The following NRXN1 variants were observed in gnomAD, a reference collection of about 807,000 sequenced individuals.
The protein encoded by NRXN1 is neurexin-1.
In NRXN1, 39 loss-of-function variants were observed where a neutral mutation model predicts 150.9. The ratio of observed to expected loss-of-function variants is 0.26; its 90% CI spans 0.20 to 0.34. NRXN1 has a LOEUF of 0.34. NRXN1 is among the 10% of genes least tolerant of loss of function. The probability of loss-of-function intolerance (pLI) is 1.00; values close to 1 mark genes in which losing one functional copy is unlikely to be tolerated. For missense variants in NRXN1, 1,815 were observed against 1,949.9 expected (o/e 0.93, Z 1.30); for synonymous variants, 924 against 757.0 (o/e 1.22, Z -3.62).
At chr2:50,901,656 A>C (rs776746552) in intron 5 of NRXN1, among the ~76,000 whole-genome samples, 2 of 152,186 alleles carry the variant, frequency 1.3e-5, no homozygotes, top group African/African-American at 2.4e-5. Flanking sequence ...ATCTCAAATA[A>C]ATCTTACAAT....
At chr2:50,104,632 C>T (rs772226756) in intron 18 of NRXN1, among the ~76,000 whole-genome samples, 1 of 151,930 alleles carries the variant, frequency 6.6e-6, no homozygotes, top group African/African-American at 2.4e-5. Flanking sequence ...GGCAATAATA[C>T]GTATGAATAT....
At chr2:50,188,624 G>T (rs1454705819) in intron 18 of NRXN1, among the ~76,000 whole-genome samples, 1 of 151,706 alleles carries the variant, frequency 6.6e-6, no homozygotes, top group African/African-American at 2.4e-5. Flanking sequence ...AAGCTATCCA[G>T]CTGACAAATA....
intron 13 of NRXN1, among the ~76,000 whole-genome samples, chr2:50,503,385 G>A (rs1474358596): frequency 6.6e-6 from 1 of 151,892 alleles, no homozygotes; most frequent in East Asian, 1.9e-4. Flanking sequence ...GGCATGTCAT[G>A]AGATCATAGA....
intron 17 of NRXN1, among the ~76,000 whole-genome samples, chr2:50,280,049 C>A (rs970232528): frequency 6.6e-6 from 1 of 152,064 alleles, no homozygotes; most frequent in Non-Finnish European, 1.5e-5. Context: ...GAGGTCGAGG[C>A]GGGTGGATCA....
chr2:50,829,380 G>A (rs545940948), intron 5 of NRXN1: 26 of 1,077,972 alleles, frequency 2.4e-5, no homozygotes, highest in East Asian at 1.3e-4. Context: ...CGCCCGCCTC[G>A]GGCTCCCAAA....
chr2:50,078,680 A>G (rs1285981601), intron 19 of NRXN1, among the ~76,000 whole-genome samples: 2 of 152,014 alleles, frequency 1.3e-5, no homozygotes, highest in Non-Finnish European at 2.9e-5. Context: ...ATTTTGTAAA[A>G]TGTCCCTCAA....
At chr2:50,271,580 G>A (rs927039349) in intron 17 of NRXN1, among the ~76,000 whole-genome samples, 5 of 152,136 alleles carry the variant, frequency 3.3e-5, no homozygotes, top group Admixed American at 3.3e-4. Flanking sequence ...AACCCAATGA[G>A]AGCAAGTGAC....
At position 50,702,363 on chromosome 2, in the gene NRXN1, A is replaced by C. The variant is rs1019657930; in HGVS notation, c.833-78748T>G. On this transcript the variant is annotated intron_variant, in intron 5 of 22. Coordinates refer to ENST00000401669, the MANE Select transcript of NRXN1 (RefSeq NM_001330078.2). The stretch of plus-strand genomic sequence containing the variant: ...TTTTAAAAATGTTGTAATGAAAAAA[A>C]AAAACAAAACAAAACCTCATTTGTA... 2.8e-3 allele frequency among the ~76,000 whole-genome samples: 419 copies of C among 151,562 alleles called. 2 individuals are homozygous for C. The highest frequency in any genetic ancestry group is 9.7e-3 in the African/African-American group (397 of 40,934).
intron 17 of NRXN1, among the ~76,000 whole-genome samples, chr2:50,330,841 T>C (rs1020125669): frequency 6.6e-6 from 1 of 152,130 alleles, no homozygotes; most frequent in African/African-American, 2.4e-5. Context: ...TTAATAAAGC[T>C]GAAGGAAAAG....
Position 50,893,252 on chromosome 2 carries a change from T to G in NRXN1, c.832+28617A>C, listed in dbSNP as rs572837843. On this transcript the variant is annotated intron_variant, in intron 5 of 22. Transcript: ENST00000401669. The stretch of plus-strand genomic sequence containing the variant: ...AGATGTACATGCAAATATCTATTAT[T>G]TTAGGGTAGGTAATACATTATTAAA... 1.7e-3 allele frequency among the ~76,000 whole-genome samples: 253 copies of G among 152,264 alleles called. 1 individual carries two copies. Among genetic ancestry groups the G allele is most frequent in the South Asian group, 0.011 (54 of 4,832 alleles).
At chr2:50,240,108 T>C (rs2681997) in intron 17 of NRXN1, among the ~76,000 whole-genome samples, 61,633 of 151,310 alleles carry the variant, frequency 0.41, 12,761 homozygotes, top group Middle Eastern at 0.45. Flanking sequence ...GATTTTAACC[T>C]TTTTCAATGA....
At chr2:49,942,613 T>TTA (rs1491486406) in intron 22 of NRXN1, among the ~76,000 whole-genome samples, 29 of 149,378 alleles carry the variant, frequency 1.9e-4, no homozygotes, top group African/African-American at 7.1e-4. Context: ...ATTATTATTA[T>TTA]TTTATTATTA....
chr2:50,053,184 C>T (rs1284775189), intron 21 of NRXN1, 87 bp downstream of exon 21: 3 of 1,372,408 alleles, frequency 2.2e-6, no homozygotes, highest in Non-Finnish European at 1.0e-6. Flanking sequence ...GAAAAATGTT[C>T]CAATTTAGAA....
chr2:50,503,570 TAAA>T (rs70948714), intron 13 of NRXN1, among the ~76,000 whole-genome samples: 4 of 149,548 alleles, frequency 2.7e-5, no homozygotes, highest in African/African-American at 9.8e-5. Flanking sequence ...AAAGAAAAAT[TAAA>T]AAAAAAATAG....
intron 10 of NRXN1, among the ~76,000 whole-genome samples, chr2:50,535,632 G>T (rs1292709145): frequency 6.6e-6 from 1 of 152,144 alleles, no homozygotes; most frequent in African/African-American, 2.4e-5. Context: ...AAAGCAGAAG[G>T]GAAGGCGCTA....
At chr2:50,182,125 T>TTTTA (rs4032268) in intron 18 of NRXN1, among the ~76,000 whole-genome samples, 1 of 148,598 alleles carries the variant, frequency 6.7e-6, no homozygotes. Context: ...TTTTTTTTTT[T>TTTTA]ACTTTTAGAT....
intron 18 of NRXN1, chr2:50,174,972 A>T (rs980979198): frequency 6.6e-6 from 1 of 152,068 alleles, no homozygotes; most frequent in African/African-American, 2.4e-5. Context: ...TACCCACATG[A>T]CCTCTCAACA....
intron 17 of NRXN1, among the ~76,000 whole-genome samples, chr2:50,383,294 C>T (rs145490123): frequency 1.7e-3 from 257 of 152,124 alleles, no homozygotes; most frequent in Non-Finnish European, 2.2e-3. Context: ...CCAGGTATCA[C>T]GCGGCCTGTT....
intron 18 of NRXN1, among the ~76,000 whole-genome samples, chr2:50,153,653 A>T (rs1288272687): frequency 1.3e-5 from 2 of 151,764 alleles, no homozygotes; most frequent in East Asian, 3.9e-4. Context: ...CTGCATATGC[A>T]GTTGCTTTTG....
Sources: gnomAD v4.1 joint callset for allele counts (sites outside exome capture counted in the v4.1 genomes callset) on GRCh38, gnomAD v4.1.1 for gene constraint, MANE v1.5 for transcripts, NCBI Gene and HGNC (gene_info 2026-07-23, HGNC 2026-07-21) for gene names.